Variants in ZNF407 observed in about 807,000 individuals in gnomAD.
ZNF407 encodes zinc finger protein 407.
In ZNF407, 17 loss-of-function variants were observed where a neutral mutation model predicts 131.2. The ratio of observed to expected loss-of-function variants is 0.13; its 90% CI spans 0.09 to 0.19. ZNF407 has a LOEUF of 0.19. Among genes scored for constraint, ZNF407 ranks in the 10% least tolerant of loss-of-function variants. ZNF407 has a pLI of 1.00. For missense variants in ZNF407, 2,681 were observed against 2,830.6 expected (o/e 0.95, Z 1.20); for synonymous variants, 1,156 against 1,062.0 (o/e 1.09, Z -1.72).
intron 3 of ZNF407, among the ~76,000 whole-genome samples, chr18:74,680,228 A>T (rs1966949889): frequency 6.6e-6 from 1 of 151,970 alleles, no homozygotes; most frequent in Non-Finnish European, 1.5e-5. Context: ...TCGTGTCTAC[A>T]AAAAAGAAAA....
At chr18:74,730,257 CT>C (rs1244743831) in intron 3 of ZNF407, among the ~76,000 whole-genome samples, 2 of 152,194 alleles carry the variant, frequency 1.3e-5, no homozygotes, top group Non-Finnish European at 2.9e-5. Flanking sequence ...CTCAGGTACA[CT>C]TTTTAATATT....
chr18:74,814,726 G>C (rs996189345), intron 4 of ZNF407, among the ~76,000 whole-genome samples: 1 of 152,074 alleles, frequency 6.6e-6, no homozygotes, highest in Non-Finnish European at 1.5e-5. Flanking sequence ...TTAAAAAAAT[G>C]TATAATCTTA....
chr18:74,649,252 T>G (rs517968), intron 3 of ZNF407, among the ~76,000 whole-genome samples: 3,369 of 152,314 alleles, frequency 0.022, 136 homozygotes, highest in African/African-American at 0.076. Context: ...CAATAAAGTG[T>G]TAATTTGCAT....
intron 3 of ZNF407, among the ~76,000 whole-genome samples, chr18:74,743,164 G>A (rs1239980607): frequency 6.6e-6 from 1 of 152,178 alleles, no homozygotes; most frequent in African/African-American, 2.4e-5. Context: ...TGGAGAAGAA[G>A]CAAGTTACAG....
At chr18:74,877,930 A>G (rs1971182070) in intron 5 of ZNF407, among the ~76,000 whole-genome samples, 1 of 152,244 alleles carries the variant, frequency 6.6e-6, no homozygotes, top group Non-Finnish European at 1.5e-5. Flanking sequence ...TTTAGCTACT[A>G]TAATTTTTTT....
chr18:74,760,352 A>T (rs953050158), intron 3 of ZNF407, among the ~76,000 whole-genome samples: 18 of 152,112 alleles, frequency 1.2e-4, no homozygotes. Context: ...ATGGAAGATT[A>T]TTACCTTTTC....
intron 4 of ZNF407, among the ~76,000 whole-genome samples, chr18:74,873,599 A>G (rs2145175683): frequency 1.3e-5 from 2 of 152,258 alleles, no homozygotes; most frequent in Non-Finnish European, 2.9e-5. Context: ...AGGTGGCTCA[A>G]GCCTGTAATC....
chr18:74,906,624 T>A (rs1223225722), intron 7 of ZNF407, among the ~76,000 whole-genome samples: 1 of 152,242 alleles, frequency 6.6e-6, no homozygotes, highest in Non-Finnish European at 1.5e-5. Flanking sequence ...CATCAGTAGT[T>A]TACTAGGCTT....
rs546024309 is a variant in ZNF407, at chr18:74,630,388, G to C, written c.-53-579G>C. On this transcript the variant is annotated intron_variant, in intron 1 of 8. Transcript: ENST00000299687. ...GGGTTTCACTGTGTTAGCCAGGATG[G>C]TCTCGATCTCCTGACCTCGTGATCC... Among the ~76,000 whole-genome samples, 19 of 152,188 alleles carry C rather than the reference G, an allele frequency of 1.2e-4. No homozygotes were observed. The East Asian group carries it at 3.5e-3, about 28-fold the overall frequency.
intron 8 of ZNF407, among the ~76,000 whole-genome samples, chr18:74,941,635 A>G (rs895811452): frequency 1.3e-5 from 2 of 152,226 alleles, no homozygotes; most frequent in Non-Finnish European, 2.9e-5. Flanking sequence ...TACATGGGTT[A>G]AGCATGTATG....
At chr18:74,803,857 T>G (rs1970063261) in intron 4 of ZNF407, 1 of 1,193,772 alleles carries the variant, frequency 8.4e-7, no homozygotes, top group East Asian at 2.6e-5. Flanking sequence ...GGAGCATGGT[T>G]TCAAAAAGGT....
intron 6 of ZNF407, among the ~76,000 whole-genome samples, chr18:74,886,801 T>C (rs573557239): frequency 9.3e-4 from 141 of 152,204 alleles, no homozygotes; most frequent in Non-Finnish European, 1.8e-3. Context: ...GTGTTCATTG[T>C]CTTGATGGTG....
At chr18:74,725,176 C>T (rs1013500379) in intron 3 of ZNF407, among the ~76,000 whole-genome samples, 10 of 152,114 alleles carry the variant, frequency 6.6e-5, no homozygotes, top group African/African-American at 1.2e-4. Context: ...CACTCCTTCG[C>T]CCAGGCTGGA....
At chr18:74,885,513 G>A (rs2145190773) in intron 6 of ZNF407, among the ~76,000 whole-genome samples, 1 of 152,198 alleles carries the variant, frequency 6.6e-6, no homozygotes, top group African/African-American at 2.4e-5. Flanking sequence ...AAATTCAAAG[G>A]CTTGAAATAA....
In ZNF407 at chr18:74,631,420, C is replaced by G; in HGVS notation, c.401C>G (p.Ser134Cys). 6.2e-7 allele frequency: 1 copy of G among 1,614,020 alleles called. No individual in the cohort carries two copies. The highest frequency in any genetic ancestry group is 8.5e-7 in the Non-Finnish European group (1 of 1,179,898). The part of the protein sequence containing the change: ...GTCLPNALSP[S>C]CNFSTIDVVS... ...TGTCTCCCAAATGCCCTCTCCCCTT[C>G]TTGCAATTTTAGCACTATTGATGTT... is the stretch of plus-strand genomic sequence containing the variant. The change falls in exon 2 of 9, where the codon TCT (serine) becomes TGT (cysteine). Residue 134 changes from serine to cysteine, a missense_variant. Ser to Cys is a moderately radical substitution (Grantham distance 112). Around this residue, in one of 6 missense-constraint regions of ZNF407, gnomAD observed 1,789 missense variants for 1,748.7 expected, o/e 1.02. Transcript: ENST00000299687.
At chr18:74,886,950 ATAATT>A (rs1364035379) in intron 6 of ZNF407, among the ~76,000 whole-genome samples, 1 of 152,220 alleles carries the variant, frequency 6.6e-6, no homozygotes, top group Non-Finnish European at 1.5e-5. Flanking sequence ...AGTTAGTAAA[ATAATT>A]TATAATATGT....
Position 75,048,765 on chromosome 18 carries a change from A to G in ZNF407, c.5429-14385A>G, listed in dbSNP as rs906507. On this transcript the variant is annotated intron_variant, in intron 8 of 8. Coordinates refer to ENST00000299687, the MANE Select transcript of ZNF407 (RefSeq NM_017757.3). This position sits in a 1 kb window ranked among gnomAD's most constrained non-coding sequence, Gnocchi z 4.1. ...AAGATATGAGGGCCTGCTATTTGCA[A>G]GCATATATTTGCAAATAACATATTT... Among the ~76,000 whole-genome samples, 20,934 of 152,260 alleles carry G rather than the reference A, an allele frequency of 0.14. 1,495 individuals carry two copies. The highest frequency in any genetic ancestry group is 0.22 in the South Asian group (1,054 of 4,818).
In ZNF407 at chr18:74,899,593, G is replaced by A. The variant is rs149093374; in HGVS notation, c.5249+9555G>A. Among the ~76,000 whole-genome samples, 45 of 152,312 alleles carry A rather than the reference G, an allele frequency of 3.0e-4. No individual in the cohort carries two copies. In the East Asian group the frequency reaches 8.7e-3, roughly 29 times the overall value. On this transcript the variant is annotated intron_variant, in intron 7 of 8. Coordinates refer to ENST00000299687, the MANE Select transcript of ZNF407 (RefSeq NM_017757.3). ...GGTGTATAGTTCCATACTAATCTAT[G>A]TGGAACTTGATGTGATTGATGTTTT...
chr18:74,758,809 A>T (rs750170941), intron 3 of ZNF407, among the ~76,000 whole-genome samples: 4 of 152,018 alleles, frequency 2.6e-5, no homozygotes, highest in Non-Finnish European at 5.9e-5. Flanking sequence ...CGAACTCCTG[A>T]CCTCAAATGA....
Sources: allele counts gnomAD v4.1 joint callset (sites outside exome capture counted in the v4.1 genomes callset), GRCh38; gene constraint gnomAD v4.1.1; regional missense constraint gnomAD v4.1.1; non-coding constraint Gnocchi (gnomAD v3.1); transcripts MANE v1.5; gene names NCBI Gene and HGNC (gene_info 2026-07-23, HGNC 2026-07-21).